Variants in GRIN2A observed in about 807,000 individuals in gnomAD.
GRIN2A encodes the protein glutamate ionotropic receptor NMDA type subunit 2A, also known as glutamate receptor ionotropic, NMDA 2A.
In GRIN2A, 22 loss-of-function variants were observed where a neutral mutation model predicts 113.4. That is an observed-to-expected ratio of 0.19 (90% CI 0.14 to 0.28). The LOEUF (loss-of-function observed/expected upper bound fraction) is 0.28, where lower values mean the gene tolerates loss of function less well. Ranked by LOEUF, GRIN2A falls within the 10% of genes least tolerant of loss-of-function variation. GRIN2A has a pLI of 1.00. For missense variants in GRIN2A, 1,502 were observed against 1,887.0 expected, an observed-to-expected ratio of 0.80 and a Z score of 3.78; for synonymous variants, 827 against 738.4, an observed-to-expected ratio of 1.12 and a Z score of -1.94.
chr16:9,933,578 G>C (rs916022354), intron 3 of GRIN2A, among the ~76,000 whole-genome samples: 1 of 152,206 alleles, frequency 6.6e-6, no homozygotes, highest in African/African-American at 2.4e-5. Context: ...TGCAGAGTAA[G>C]ACCTTAATCC....
chr16:9,956,352 C>T lies in GRIN2A; in HGVS notation c.415-17801G>A, dbSNP rs149275378. 3.7e-3 allele frequency among the ~76,000 whole-genome samples: 561 copies of T among 152,264 alleles called. 1 individual carries two copies. The highest frequency in any genetic ancestry group is 0.027 in the Middle Eastern group (8 of 294). ...AATTCAGATTCTCAGGGGATCTATG[C>T]AAGTCCTGGTTTATCACGTATGAGC... On this transcript the variant is annotated intron_variant, in intron 2 of 12. Coordinates refer to ENST00000330684, the MANE Select transcript of GRIN2A (RefSeq NM_001134407.3).
At chr16:9,963,969 C>T (rs527966918) in intron 2 of GRIN2A, among the ~76,000 whole-genome samples, 2 of 152,304 alleles carry the variant, frequency 1.3e-5, no homozygotes, top group African/African-American at 4.8e-5. Flanking sequence ...GACAGACAGA[C>T]ACAAAGTCAC....
chr16:10,114,160 C>T (rs1481385279), intron 2 of GRIN2A, among the ~76,000 whole-genome samples: 1 of 152,152 alleles, frequency 6.6e-6, no homozygotes, highest in Non-Finnish European at 1.5e-5. Flanking sequence ...CACTGCACTC[C>T]AGCCTGGGCA....
At chr16:10,037,085 A>C (rs1414425105) in intron 2 of GRIN2A, 1 of 152,154 alleles carries the variant, frequency 6.6e-6, no homozygotes, top group African/African-American at 2.4e-5. Flanking sequence ...CATCTCATAG[A>C]CACCTCCCTG....
At chr16:10,054,321 T>A (rs2047408818) in intron 2 of GRIN2A, among the ~76,000 whole-genome samples, 1 of 152,202 alleles carries the variant, frequency 6.6e-6, no homozygotes, top group South Asian at 2.1e-4. Flanking sequence ...CTTAATAAGA[T>A]AAATGCAAAT....
chr16:9,981,382 T>C (rs1020366502), intron 2 of GRIN2A, among the ~76,000 whole-genome samples: 3 of 152,228 alleles, frequency 2.0e-5, no homozygotes, highest in African/African-American at 7.2e-5. Context: ...TTATATTCTT[T>C]TTAAACTTGT....
intron 2 of GRIN2A, among the ~76,000 whole-genome samples, chr16:10,144,298 C>A (rs1459110499): frequency 6.6e-6 from 1 of 152,206 alleles, no homozygotes; most frequent in East Asian, 1.9e-4. Context: ...AATGTCCCCA[C>A]ATCCTTGCCA....
At chr16:9,923,183 T>C (rs1163484551) in intron 3 of GRIN2A, among the ~76,000 whole-genome samples, 1 of 152,160 alleles carries the variant, frequency 6.6e-6, no homozygotes, top group Non-Finnish European at 1.5e-5. Flanking sequence ...ATGAATTGAC[T>C]CATTTATCAT....
intron 2 of GRIN2A, among the ~76,000 whole-genome samples, chr16:9,948,612 A>C (rs1473649372): frequency 1.3e-5 from 2 of 152,178 alleles, no homozygotes; most frequent in African/African-American, 4.8e-5. Flanking sequence ...TCCTTCAGGT[A>C]TATCACAGGT....
intron 2 of GRIN2A, among the ~76,000 whole-genome samples, chr16:9,954,728 G>A (rs1161123620): frequency 6.6e-6 from 1 of 152,128 alleles, no homozygotes; most frequent in African/African-American, 2.4e-5. Context: ...CAAAAAGGTT[G>A]GGATTTTAAT....
intron 2 of GRIN2A, among the ~76,000 whole-genome samples, chr16:10,169,595 A>G (rs1384520785): frequency 6.6e-6 from 1 of 152,204 alleles, no homozygotes; most frequent in Non-Finnish European, 1.5e-5. Flanking sequence ...AAGCAGCCAT[A>G]TTGTGACTCA....
At chr16:9,795,479 C>G (rs922013989) in intron 11 of GRIN2A, among the ~76,000 whole-genome samples, 2 of 152,184 alleles carry the variant, frequency 1.3e-5, no homozygotes, top group Admixed American at 6.5e-5. Flanking sequence ...AGTAGCCATT[C>G]TTTTATTCCT....
intron 4 of GRIN2A, among the ~76,000 whole-genome samples, chr16:9,860,461 A>G (rs2043047073): frequency 1.0e-5 from 1 of 99,754 alleles, no homozygotes; most frequent in Admixed American, 1.0e-4. Context: ...AAAAAAAAAA[A>G]AAAAAAAAAG....
chr16:10,052,842 G>A (rs1420124012), intron 2 of GRIN2A, among the ~76,000 whole-genome samples: 1 of 152,126 alleles, frequency 6.6e-6, no homozygotes, highest in Admixed American at 6.5e-5. Flanking sequence ...GAGATCAAGA[G>A]TTCGAGTCCA....
At chr16:9,888,664 C>G (rs1246974348) in intron 4 of GRIN2A, among the ~76,000 whole-genome samples, 1 of 151,646 alleles carries the variant, frequency 6.6e-6, no homozygotes, top group Non-Finnish European at 1.5e-5. Flanking sequence ...CGTAGTCTAA[C>G]TTAGAATAAG....
chr16:10,049,367 T>G (rs574582407), intron 2 of GRIN2A, among the ~76,000 whole-genome samples: 10 of 151,862 alleles, frequency 6.6e-5, no homozygotes, highest in African/African-American at 2.4e-4. Context: ...ACCACCTTAT[T>G]TATTGATTTT....
chr16:9,936,960 T>C (rs755830055), intron 3 of GRIN2A, among the ~76,000 whole-genome samples: 12 of 152,172 alleles, frequency 7.9e-5, no homozygotes, highest in African/African-American at 2.9e-4. Context: ...AAAATGCACA[T>C]GAATTAGGAC....
intron 2 of GRIN2A, among the ~76,000 whole-genome samples, chr16:10,016,243 A>G (rs898085549): frequency 2.0e-5 from 3 of 152,100 alleles, no homozygotes; most frequent in Non-Finnish European, 2.9e-5. Flanking sequence ...AGTGGGGGAC[A>G]GTCAGGAAAG....
intron 2 of GRIN2A, among the ~76,000 whole-genome samples, chr16:9,992,874 A>C (rs1596397629): frequency 6.6e-6 from 1 of 152,112 alleles, no homozygotes; most frequent in South Asian, 2.1e-4. Context: ...TGCTTCCAAC[A>C]CTACCCGTTC....
Sources: gnomAD v4.1 joint callset for allele counts (sites outside exome capture counted in the v4.1 genomes callset) on GRCh38, gnomAD v4.1.1 for gene constraint, MANE v1.5 for transcripts, NCBI Gene and HGNC (gene_info 2026-07-23, HGNC 2026-07-21) for gene names.